The following ASPM variants were observed in gnomAD, a reference collection of about 807,000 sequenced individuals.
The protein encoded by ASPM is abnormal spindle-like microcephaly-associated protein.
ASPM carries 256 observed loss-of-function variants against 366.4 expected under a neutral mutation model. That is an observed-to-expected ratio of 0.70 (90% confidence interval 0.63 to 0.77). The LOEUF (loss-of-function observed/expected upper bound fraction) is 0.77, where lower values mean the gene tolerates loss of function less well. ASPM is among the 30% of genes least tolerant of loss of function. ASPM has a pLI of 0.00. For missense variants in ASPM, 4,146 were observed against 4,090.4 expected, an observed-to-expected ratio of 1.01 and a Z score of -0.37; for synonymous variants, 1,414 against 1,342.9, an observed-to-expected ratio of 1.05 and a Z score of -1.16.
chr1:197,124,969 G>A lies in ASPM; in HGVS notation c.3083-14C>T. ...GAATTGTATTTCCTATAAAAGAAAA[G>A]GTTGTCCATTAGCATAATGTACGCA... is the stretch of plus-strand genomic sequence containing the variant. On this transcript the variant is annotated splice_polypyrimidine_tract_variant and intron_variant, in intron 11 of 27. Coordinates refer to ENST00000367409, the MANE Select transcript of ASPM (RefSeq NM_018136.5). 1 of 1,608,192 alleles carries A rather than the reference G, an allele frequency of 6.2e-7. No homozygotes were observed. Among genetic ancestry groups the A allele is most frequent in the African/African-American group, 1.3e-5 (1 of 74,886 alleles).
At chr1:197,145,598 T>C (rs755488568) in intron 1 of ASPM, among the ~76,000 whole-genome samples, 17 of 151,986 alleles carry the variant, frequency 1.1e-4, no homozygotes, top group Non-Finnish European at 1.9e-4. Flanking sequence ...AGATGGCTGA[T>C]AGAAATTTTA....
Position 197,143,039 on chromosome 1 carries a change from A to G in ASPM, c.1213T>C (p.Cys405Arg), listed in dbSNP as rs763574259. Reference sequence around the variant, plus strand: ...ACTTTACATGTTTGCTGAGATGTACACATATATGCCATGTTATCTTTTAAA... The same window carrying G: ...ACTTTACATGTTTGCTGAGATGTACGCATATATGCCATGTTATCTTTTAAA... ...QFLKDNMAYM[C>R]TSQQTCKVPL... Residue 405 changes from cysteine (C) to arginine (R), a missense_variant, in exon 3 of 28, where the codon TGT becomes CGT. By Grantham distance (180) the Cys-to-Arg change is radical. Transcript: ENST00000367409. 1 of 1,613,168 alleles carries G rather than the reference A, an allele frequency of 6.2e-7. No homozygotes were observed. The highest frequency in any genetic ancestry group is 2.2e-5 in the East Asian group (1 of 44,858).
chr1:197,141,325 G>A (rs534976247), intron 3 of ASPM, among the ~76,000 whole-genome samples: 1 of 152,186 alleles, frequency 6.6e-6, no homozygotes, highest in South Asian at 2.1e-4. Context: ...TTTCCCACAA[G>A]TGCAGCAGAG....
At chr1:197,139,067 G>A (rs1658503142) in intron 4 of ASPM, 3 of 747,270 alleles carry the variant, frequency 4.0e-6, no homozygotes, top group African/African-American at 3.5e-5. Flanking sequence ...TCTGGGCCCA[G>A]ATCTGTAAAG....
At position 197,084,242 on chromosome 1, in the gene ASPM, C is replaced by T. The variant is rs775183015; in HGVS notation, c.*82G>A. The T allele has an allele frequency of 4.2e-4, 428 of 1,017,124 alleles. 3 individuals carry two copies. Among genetic ancestry groups the T allele is most frequent in the Non-Finnish European group, 8.0e-5 (52 of 652,470 alleles). The allele number at this position is 1,017,124 out of a possible 1,614,324, so 63.0% of individuals were successfully genotyped here. On this transcript the variant is annotated 3_prime_UTR_variant, in exon 28 of 28. Transcript: ENST00000367409. ...AAAGTCAGATTTTAAAAGTTGTACA[C>T]GGAGAGCAAAAATCACTTTACGTAC...
chr1:197,101,042 C>T lies in ASPM; in HGVS notation c.8209G>A (p.Ala2737Thr). The change falls in exon 18 of 28, where the codon GCA becomes ACA. Residue 2737 changes from alanine (A) to threonine (T), a missense_variant. Transcript: ENST00000367409. ...ATAGTTCGTACAGATTTCTGAACTGCTAAAAAGTTTTTTCTTTCTGTTTTT... is the reference window on the plus strand; with the variant it reads ...ATAGTTCGTACAGATTTCTGAACTGTTAAAAAGTTTTTTCTTTCTGTTTTT... ...RVKTERKNFL[A>T]VQKSVRTIQA... 1 of 1,611,596 alleles carries T rather than the reference C, an allele frequency of 6.2e-7. No homozygotes were observed. Among genetic ancestry groups the T allele is most frequent in the Non-Finnish European group, 8.5e-7 (1 of 1,178,848 alleles).
At chr1:197,121,875 G>C in intron 16 of ASPM, 40 bp downstream of exon 16, 1 of 1,564,076 alleles carries the variant, frequency 6.4e-7, no homozygotes, top group Non-Finnish European at 8.8e-7. Context: ...ACCTTCTAAA[G>C]TATAATTCAC....
At chr1:197,109,959 C>A (rs1278338207) in intron 17 of ASPM, among the ~76,000 whole-genome samples, 3 of 151,972 alleles carry the variant, frequency 2.0e-5, no homozygotes, top group Admixed American at 2.0e-4. Context: ...TATGTATCAC[C>A]TTTATGAATC....
chr1:197,098,419 T>G (rs904897075), intron 18 of ASPM, among the ~76,000 whole-genome samples: 1 of 151,594 alleles, frequency 6.6e-6, no homozygotes, highest in Admixed American at 6.6e-5. Flanking sequence ...ACCACTGGCA[T>G]AGGCTAAAAA....
intron 16 of ASPM, among the ~76,000 whole-genome samples, chr1:197,119,156 G>T (rs1215178034): frequency 2.6e-5 from 4 of 152,142 alleles, no homozygotes; most frequent in African/African-American, 7.2e-5. Flanking sequence ...CTAAGGAATG[G>T]TAAGTGCTAT....
rs189208551 is a variant in ASPM, at chr1:197,115,898, C to A, written c.4065+1891G>T. 2.8e-3 allele frequency among the ~76,000 whole-genome samples: 433 copies of A among 152,250 alleles called. 9 individuals carry two copies. Among genetic ancestry groups the A allele is most frequent in the Middle Eastern group, 0.017 (5 of 294 alleles). ...TTTCAGAAGGATAAATAAGCACTGG[C>A]TTCAACTTAAAGTCACCAGTTGCAT... On this transcript the variant is annotated intron_variant, in intron 17 of 27. Transcript: ENST00000367409.
chr1:197,139,006 C>A lies in ASPM; in HGVS notation c.2026+761G>T, dbSNP rs886991304. ...TTCTTCTCTCTGACATTGATCATAG[C>A]ACTCTTGTCTTTTGGCTTCAAAGAT... is the stretch of plus-strand genomic sequence containing the variant. On this transcript the variant is annotated intron_variant, in intron 4 of 27. Transcript: ENST00000367409. The A allele has an allele frequency of 1.7e-5, 12 of 723,820 alleles. No individual in the cohort carries two copies. In the African/African-American group the frequency reaches 1.9e-4, roughly 12 times the overall value. The allele number at this position is 723,820 out of a possible 1,614,324, so 44.8% of individuals were successfully genotyped here. A position where few individuals can be genotyped will look rare whatever the true frequency, so the allele number is the denominator to read the frequency against.
chr1:197,115,972 AAATT>A (rs1223291105), intron 17 of ASPM, among the ~76,000 whole-genome samples: 1 of 152,186 alleles, frequency 6.6e-6, no homozygotes, highest in African/African-American at 2.4e-5. Flanking sequence ...TTGAAGCTAG[AAATT>A]GATTTCCCCT....
chr1:197,100,906 G>C lies in ASPM; in HGVS notation c.8345C>G (p.Thr2782Ser), dbSNP rs142244523. 47 of 1,612,564 alleles carry C rather than the reference G, an allele frequency of 2.9e-5. No individual in the cohort carries two copies. Among genetic ancestry groups the C allele is most frequent in the Non-Finnish European group, 4.0e-5 (47 of 1,179,188 alleles). ...TTCACTTTGAACAGCTTCATACTGAGTTTTACTTCTGTAACAGCAGAGTGC... is the reference window on the plus strand; with the variant it reads ...TTCACTTTGAACAGCTTCATACTGACTTTTACTTCTGTAACAGCAGAGTGC... ...QSALCCYRSK[T>S]QYEAVQSEGV... The change falls in exon 18 of 28, where the codon ACT becomes AGT. Residue 2782 changes from threonine (T) to serine (S), a missense_variant. Thr to Ser is a moderately conservative substitution (Grantham distance 58, BLOSUM62 1). This residue lies in a region of ASPM where 3,624 missense variants were observed against 3,591.7 expected (regional missense o/e 1.01). Transcript: ENST00000367409.
chr1:197,125,944 C>A (rs1658078392), intron 10 of ASPM, among the ~76,000 whole-genome samples: 1 of 152,110 alleles, frequency 6.6e-6, no homozygotes, highest in African/African-American at 2.4e-5. Flanking sequence ...CAACCCATCA[C>A]CCATGGCATT....
rs756100045 is a variant in ASPM, at chr1:197,100,968, T to A, written c.8283A>T (p.Val2761=). The A allele has an allele frequency of 1.9e-6, 3 of 1,612,634 alleles. No homozygotes were observed. The South Asian group carries it at 3.3e-5, about 18-fold the overall frequency. Residue 2761 remains valine, a synonymous_variant, in exon 18 of 28, where the codon GTA becomes GTT. Transcript: ENST00000367409. ...CAATGGCTGCCATCTTTTCCTCTGA[T>A]ACATTTTTCAATTTTTGTCTAACTT... ...GMKVRQKLKN[V]SEEKMAAIVN... is the part of the protein sequence containing the mutation.
In ASPM at chr1:197,088,604, G is replaced by A. The variant is rs116012587; in HGVS notation, c.9985-172C>T. ...TAGCTTTGATATTATCATTATTTACGGATCTATCATATATGTGTATTCACA... is the reference window on the plus strand; with the variant it reads ...TAGCTTTGATATTATCATTATTTACAGATCTATCATATATGTGTATTCACA... On this transcript the variant is annotated intron_variant, in intron 25 of 27. Transcript: ENST00000367409. Among the ~76,000 whole-genome samples, 20 of 151,978 alleles carry A rather than the reference G, an allele frequency of 1.3e-4. 1 individual carries two copies. In the East Asian group the frequency reaches 2.3e-3, roughly 18 times the overall value.
intron 1 of ASPM, among the ~76,000 whole-genome samples, chr1:197,145,437 A>G (rs914677175): frequency 1.3e-5 from 2 of 152,224 alleles, no homozygotes; most frequent in Admixed American, 6.5e-5. Flanking sequence ...GTGTGCATAC[A>G]TACTACACGT....
chr1:197,093,529 G>A (rs1656857369), intron 20 of ASPM, among the ~76,000 whole-genome samples: 1 of 151,830 alleles, frequency 6.6e-6, no homozygotes, highest in African/African-American at 2.4e-5. Flanking sequence ...TTCATTGTGA[G>A]AGGGAAAAGG....
Sources: allele counts gnomAD v4.1 joint callset (sites outside exome capture counted in the v4.1 genomes callset), GRCh38; gene constraint gnomAD v4.1.1; regional missense constraint gnomAD v4.1.1; transcripts MANE v1.5; gene names NCBI Gene and HGNC (gene_info 2026-07-23, HGNC 2026-07-21).